GABPA: variants seen among roughly 807,000 people sequenced by gnomAD.
The protein encoded by GABPA is GA binding protein transcription factor subunit alpha, also known as GA-binding protein alpha chain.
GABPA carries 4 observed loss-of-function variants against 59.4 expected under a neutral mutation model. The ratio of observed to expected loss-of-function variants is 0.07; its 90% CI spans 0.03 to 0.15. The LOEUF is 0.15. Among genes scored for constraint, GABPA ranks in the 10% least tolerant of loss-of-function variants. GABPA has a pLI of 1.00. For missense variants in GABPA, 251 were observed against 543.8 expected (o/e 0.46, Z 5.36); for synonymous variants, 164 against 183.1 (o/e 0.90, Z 0.84).
chr21:25,758,132 A>T lies in GABPA; in HGVS notation c.676A>T (p.Asn226Tyr). 6.2e-7 allele frequency: 1 copy of T among 1,611,208 alleles called. No homozygotes were observed. Among genetic ancestry groups the T allele is most frequent in the East Asian group, 2.2e-5 (1 of 44,718 alleles). ...NISGRELCSL[N>Y]QEDFFQRVPR... ...TTCGGGGAGAGAATTATGTAGTCTC[A>T]ACCAAGAAGATTTTTTTCAGCGGGT... Residue 226 changes from asparagine (N) to tyrosine (Y), a missense_variant, in exon 6 of 10, where the codon AAC becomes TAC. Coordinates refer to ENST00000400075, the MANE Select transcript of GABPA (RefSeq NM_002040.4).
At position 25,762,328 on chromosome 21, in the gene GABPA, A is replaced by T. The variant is rs1476795980; in HGVS notation, c.765A>T (p.Gln255His). ...TTTTTTCAGATGTATTGGCAAGTCA[A>T]GAACAACAGATGAATGAAATAGTTA... Reference protein sequence around the residue: ...ELLRKYVLASQEQQMNEIVTI... With the variant: ...ELLRKYVLASHEQQMNEIVTI... The change falls in exon 7 of 10, where the codon CAA becomes CAT. Residue 255 changes from glutamine (Q) to histidine (H), a missense_variant. By Grantham distance (24) the Gln-to-His change is conservative. Transcript: ENST00000400075. 6.4e-7 allele frequency: 1 copy of T among 1,574,552 alleles called. No homozygotes were observed. Among genetic ancestry groups the T allele is most frequent in the Non-Finnish European group, 8.6e-7 (1 of 1,161,288 alleles).
chr21:25,762,160 G>T (rs2035779595), intron 6 of GABPA, 152 bp from the exon 7 acceptor site: 2 of 484,638 alleles, frequency 4.1e-6, no homozygotes, highest in Admixed American at 7.5e-5. Flanking sequence ...ATATTTTTAA[G>T]GTTTTTATGC....
At chr21:25,752,453 C>T (rs1339760173) in intron 5 of GABPA, 1 of 530,342 alleles carries the variant, frequency 1.9e-6, no homozygotes, top group East Asian at 3.1e-5. Flanking sequence ...AAAATTTCTG[C>T]TCTTAGGGTG....
chr21:25,743,898 G>A (rs1301676336), intron 2 of GABPA, among the ~76,000 whole-genome samples: 1 of 151,940 alleles, frequency 6.6e-6, no homozygotes. Context: ...ACAAAAATTA[G>A]CTAGGCATGG....
rs2035968197 is a variant in GABPA at position 25,769,462 on chromosome 21, G to C, written c.*230G>C. On this transcript the variant is annotated 3_prime_UTR_variant, in exon 10 of 10. Transcript: ENST00000400075. Reference sequence around the variant, plus strand: ...ATCTCCACAATGTCTGCAGTGTGAAGGCAGGTTCATTGTGGAATAGTTTAA... The same window carrying C: ...ATCTCCACAATGTCTGCAGTGTGAACGCAGGTTCATTGTGGAATAGTTTAA... The C allele has an allele frequency of 2.2e-6, 1 of 447,186 alleles. No individual in the cohort carries two copies. Among genetic ancestry groups the C allele is most frequent in the African/African-American group, 2.0e-5 (1 of 50,758 alleles). The allele number at this position is 447,186 out of a possible 1,614,324, so 27.7% of individuals were successfully genotyped here.
chr21:25,756,819 G>A (rs2035648704), intron 5 of GABPA, among the ~76,000 whole-genome samples: 1 of 152,080 alleles, frequency 6.6e-6, no homozygotes, highest in Non-Finnish European at 1.5e-5. Flanking sequence ...ACTTTTTTAT[G>A]TTTATGTGTA....
chr21:25,747,293 T>C (rs2035392332), intron 3 of GABPA, among the ~76,000 whole-genome samples: 1 of 152,224 alleles, frequency 6.6e-6, no homozygotes, highest in African/African-American at 2.4e-5. Flanking sequence ...AATCTGGACT[T>C]GATCTCTTAG....
At chr21:25,749,254 GT>G in intron 4 of GABPA, 134 bp downstream of exon 4, 1 of 613,736 alleles carries the variant, frequency 1.6e-6, no homozygotes. Context: ...CATGCTTTGG[GT>G]TTAGTAGTTT....
intron 9 of GABPA, among the ~76,000 whole-genome samples, chr21:25,768,617 A>G (rs2035947205): frequency 6.6e-6 from 1 of 152,230 alleles, no homozygotes; most frequent in African/African-American, 2.4e-5. Context: ...TTGAGAAAAT[A>G]TGACTCCTGT....
Position 25,749,043 on chromosome 21 carries a change from C to G in GABPA, c.230C>G (p.Pro77Arg). 6.3e-7 allele frequency: 1 copy of G among 1,599,358 alleles called. No homozygotes were observed. The highest frequency in any genetic ancestry group is 8.6e-7 in the Non-Finnish European group (1 of 1,166,934). ...EICLQDIQLD[P>R]ERSLFDQGVK... ...CATTTTATCCATGGTTAGCTGGATC[C>G]AGAACGAAGTTTATTTGACCAAGGA... The change falls in exon 4 of 10, where the codon CCA (proline) becomes CGA (arginine). Residue 77 changes from proline (P) to arginine (R), a missense_variant. Transcript: ENST00000400075.
intron 9 of GABPA, among the ~76,000 whole-genome samples, chr21:25,765,703 C>T (rs1389045125): frequency 6.6e-6 from 1 of 151,874 alleles, no homozygotes; most frequent in Non-Finnish European, 1.5e-5. Context: ...CATTCAGTCT[C>T]AAACACATTG....
At chr21:25,737,320 A>G (rs1402382102) in intron 1 of GABPA, among the ~76,000 whole-genome samples, 1 of 152,240 alleles carries the variant, frequency 6.6e-6, no homozygotes, top group Non-Finnish European at 1.5e-5. Flanking sequence ...AAAAAGAGAT[A>G]AGACTCACTC....
chr21:25,745,894 A>G (rs913745855), intron 3 of GABPA, among the ~76,000 whole-genome samples: 6 of 152,262 alleles, frequency 3.9e-5, no homozygotes, highest in African/African-American at 7.2e-5. Context: ...ATTTTACAGT[A>G]TGTTTTAAAG....
chr21:25,740,444 A>C (rs920817863), intron 1 of GABPA, among the ~76,000 whole-genome samples: 3 of 152,228 alleles, frequency 2.0e-5, no homozygotes, highest in Admixed American at 6.5e-5. Context: ...CTGTGGACTG[A>C]AAGTGCGTAT....
intron 1 of GABPA, among the ~76,000 whole-genome samples, chr21:25,738,364 C>T (rs1404715200): frequency 2.0e-5 from 3 of 152,172 alleles, no homozygotes; most frequent in Non-Finnish European, 4.4e-5. Flanking sequence ...TTTTCCTATG[C>T]TTTAACTACT....
At chr21:25,759,051 A>G (rs2035704529) in intron 6 of GABPA, among the ~76,000 whole-genome samples, 1 of 152,168 alleles carries the variant, frequency 6.6e-6, no homozygotes, top group South Asian at 2.1e-4. Context: ...GCATGGTGAC[A>G]GAGCAAGAGT....
chr21:25,741,765 T>A lies in GABPA; in HGVS notation c.77+90T>A, dbSNP rs182626785. 2.9e-3 allele frequency: 2,123 copies of A among 736,952 alleles called. 4 individuals carry two copies. The highest frequency in any genetic ancestry group is 0.024 in the Middle Eastern group (101 of 4,124). The allele number at this position is 736,952 out of a possible 1,614,324, so 45.7% of individuals were successfully genotyped here. A position where few individuals can be genotyped will look rare whatever the true frequency, so the allele number is the denominator to read the frequency against. On this transcript the variant is annotated intron_variant, in intron 2 of 9. Transcript: ENST00000400075. ...CAAGTCATAGTTCTTTTGGACTGTC[T>A]TTTTTTAACTGTTCTCAGTATTTTA...
At chr21:25,739,049 G>C (rs1305254261) in intron 1 of GABPA, among the ~76,000 whole-genome samples, 1 of 152,218 alleles carries the variant, frequency 6.6e-6, no homozygotes, top group African/African-American at 2.4e-5. Flanking sequence ...AGATGTGCTT[G>C]TGAACGGAGC....
chr21:25,738,865 C>T (rs1033869452), intron 1 of GABPA, among the ~76,000 whole-genome samples: 2 of 151,964 alleles, frequency 1.3e-5, no homozygotes, highest in Non-Finnish European at 2.9e-5. Context: ...ACACATAGCA[C>T]CAGTTAAGGA....
Sources: gnomAD v4.1 joint callset for allele counts (sites outside exome capture counted in the v4.1 genomes callset) on GRCh38, gnomAD v4.1.1 for gene constraint, MANE v1.5 for transcripts, NCBI Gene and HGNC (gene_info 2026-07-23, HGNC 2026-07-21) for gene names.